Variants in PACRG observed in about 807,000 individuals in gnomAD.
PACRG encodes parkin coregulated gene protein.
PACRG carries 29 observed loss-of-function variants against 29.7 expected under a neutral mutation model. The observed-to-expected ratio is 0.98, with a 90% CI of 0.73 to 1.33. The LOEUF is 1.33. Ranked by LOEUF, PACRG falls within the 40% of genes most tolerant of loss-of-function variation. The pLI, the probability that PACRG is intolerant of heterozygous loss-of-function variation, is 0.00. For synonymous variants in PACRG, 116 were observed against 118.7 expected (o/e 0.98, Z 0.15); for missense variants, 279 against 316.2 (o/e 0.88, Z 0.89).
At chr6:162,783,764 C>A (rs539738025) in intron 1 of PACRG, among the ~76,000 whole-genome samples, 1 of 152,036 alleles carries the variant, frequency 6.6e-6, no homozygotes, top group Admixed American at 6.5e-5. Flanking sequence ...ATTTTGAGAC[C>A]TATTGTTAAA....
chr6:162,800,929 C>T, intron 1 of PACRG, among the ~76,000 whole-genome samples: 1 of 152,108 alleles, frequency 6.6e-6, no homozygotes, highest in East Asian at 1.9e-4. Flanking sequence ...TTACAGGAGG[C>T]TGAGGCTGCA....
intron 4 of PACRG, chr6:163,166,198 G>A: frequency 2.2e-6 from 1 of 456,254 alleles, no homozygotes. Context: ...ATCTGCCGAG[G>A]GCAACACTGA....
intron 4 of PACRG, among the ~76,000 whole-genome samples, chr6:163,153,318 G>A (rs1778177096): frequency 6.6e-6 from 1 of 152,058 alleles, no homozygotes; most frequent in Admixed American, 6.5e-5. Context: ...GGAAGGGGTG[G>A]GCACTCCTGG....
chr6:163,185,300 C>T (rs1271104467), intron 4 of PACRG, among the ~76,000 whole-genome samples: 4 of 152,016 alleles, frequency 2.6e-5, no homozygotes, highest in African/African-American at 4.8e-5. Context: ...GAAAATTAAG[C>T]TAAGAAAGAA....
At chr6:162,947,191 T>G (rs1204011137) in intron 2 of PACRG, among the ~76,000 whole-genome samples, 1 of 149,736 alleles carries the variant, frequency 6.7e-6, no homozygotes, top group African/African-American at 2.5e-5. Context: ...TCTTTCCAGA[T>G]GACATGTATG....
intron 2 of PACRG, among the ~76,000 whole-genome samples, chr6:162,838,905 C>T (rs1789499122): frequency 6.7e-6 from 1 of 148,500 alleles, no homozygotes; most frequent in Non-Finnish European, 1.5e-5. Flanking sequence ...ATCCATGTCC[C>T]TACAAAGGAC....
chr6:162,855,186 C>G (rs1791280351), intron 2 of PACRG, among the ~76,000 whole-genome samples: 1 of 152,202 alleles, frequency 6.6e-6, no homozygotes, highest in Admixed American at 6.5e-5. Context: ...ATGCCCAGCG[C>G]TGACACCTGG....
At chr6:162,994,468 C>T (rs1223725469) in intron 2 of PACRG, among the ~76,000 whole-genome samples, 6 of 150,568 alleles carry the variant, frequency 4.0e-5, no homozygotes, top group African/African-American at 1.5e-4. Context: ...TCTAACCTTC[C>T]CTTCTCGCTT....
At chr6:162,738,150 CTGAAAT>C (rs1780305929) in intron 1 of PACRG, among the ~76,000 whole-genome samples, 1 of 152,046 alleles carries the variant, frequency 6.6e-6, no homozygotes, top group Non-Finnish European at 1.5e-5. Flanking sequence ...AAGCAGGATC[CTGAAAT>C]TTGTATACAT....
At chr6:162,787,092 A>G (rs913232701) in intron 1 of PACRG, among the ~76,000 whole-genome samples, 1 of 152,172 alleles carries the variant, frequency 6.6e-6, no homozygotes, top group Non-Finnish European at 1.5e-5. Flanking sequence ...CAGCTTTTGC[A>G]TGATAGCAGA....
intron 2 of PACRG, among the ~76,000 whole-genome samples, chr6:163,048,290 A>C (rs1809618791): frequency 6.6e-6 from 1 of 152,228 alleles, no homozygotes; most frequent in African/African-American, 2.4e-5. Context: ...GTTCACCATG[A>C]AGTATGGGAT....
chr6:163,301,648 CA>C (rs1785006531), intron 4 of PACRG, among the ~76,000 whole-genome samples: 1 of 152,070 alleles, frequency 6.6e-6, no homozygotes, highest in Non-Finnish European at 1.5e-5. Context: ...AACAGTAAAG[CA>C]AAAAACACTC....
chr6:162,842,075 G>T (rs1171527117), intron 2 of PACRG, among the ~76,000 whole-genome samples: 1 of 149,968 alleles, frequency 6.7e-6, no homozygotes, highest in Non-Finnish European at 1.5e-5. Flanking sequence ...ATATTCTGTT[G>T]ATTTGGGGTG....
intron 2 of PACRG, among the ~76,000 whole-genome samples, chr6:163,031,496 A>G (rs189355315): frequency 5.9e-5 from 9 of 152,376 alleles, no homozygotes; most frequent in Non-Finnish European, 1.2e-4. Flanking sequence ...TGAGACTAGA[A>G]TCTAATAAGA....
At chr6:163,103,508 C>T (rs1187761509) in intron 4 of PACRG, among the ~76,000 whole-genome samples, 1 of 152,162 alleles carries the variant, frequency 6.6e-6, no homozygotes, top group African/African-American at 2.4e-5. Context: ...ACTAATCTAA[C>T]TTTGTTCCAC....
chr6:162,813,617 T>C (rs947510024), intron 1 of PACRG, among the ~76,000 whole-genome samples: 8 of 152,244 alleles, frequency 5.3e-5, no homozygotes, highest in South Asian at 2.1e-4. Context: ...GCCACCTTTT[T>C]CTCTTTCTAC....
rs55958953 is a variant in PACRG at position 163,131,315 on chromosome 6, CAA to C, written c.613+41928_613+41929del. On this transcript the variant is annotated intron_variant, in intron 4 of 4. Transcript: ENST00000366888. ...CGACAGAGCGAGACTCTGTCTCAAA[CAA>C]AAAAAAAAAAAAAAAAAAAAGAAGA... Among the ~76,000 whole-genome samples, 234 of 136,172 alleles carry C rather than the reference CAA, an allele frequency of 1.7e-3. 1 individual carries two copies. Among genetic ancestry groups the C allele is most frequent in the African/African-American group, 6.0e-3 (204 of 34,114 alleles). 89.3% of individuals were successfully genotyped at this position (136,172 alleles called of 152,430 possible).
chr6:163,294,494 G>T (rs1054779009), intron 4 of PACRG, among the ~76,000 whole-genome samples: 1 of 152,128 alleles, frequency 6.6e-6, no homozygotes, highest in Non-Finnish European at 1.5e-5. Flanking sequence ...TTCCCCAAAT[G>T]TAAAATGGCA....
intron 4 of PACRG, among the ~76,000 whole-genome samples, chr6:163,227,896 A>G (rs905357954): frequency 3.9e-5 from 6 of 152,218 alleles, no homozygotes; most frequent in African/African-American, 1.4e-4. Context: ...AGCTAAGCTG[A>G]TATGTCCAAG....
Sources: gnomAD v4.1 joint callset for allele counts (sites outside exome capture counted in the v4.1 genomes callset) on GRCh38, gnomAD v4.1.1 for gene constraint, MANE v1.5 for transcripts, NCBI Gene and HGNC (gene_info 2026-07-23, HGNC 2026-07-21) for gene names.